The following SPNS2 variants were observed in gnomAD, a reference collection of about 807,000 sequenced individuals.
SPNS2 encodes the protein sphingosine-1-phosphate transporter SPNS2.
Under a neutral mutation model 57.6 loss-of-function variants are expected in SPNS2, and 37 were observed. The observed-to-expected ratio is 0.64, with a 90% CI of 0.49 to 0.85. SPNS2 has a LOEUF of 0.85. Ranked by LOEUF, SPNS2 falls within the 40% of genes least tolerant of loss-of-function variation. The pLI, the probability that SPNS2 is intolerant of heterozygous loss-of-function variation, is 0.00. For missense variants in SPNS2, 831 were observed against 779.1 expected (o/e 1.07, Z -0.79); for synonymous variants, 440 against 346.9 (o/e 1.27, Z -2.98).
In SPNS2 at chr17:4,533,294, G is replaced by A. The variant is rs200103064; in HGVS notation, c.1140G>A (p.Thr380=). The stretch of plus-strand genomic sequence containing the variant: ...TTACGGGATTTCTGGGCGTGGTCAC[G>A]GGGGCAGGAGCCACGCGCTGGTGCC... ...TCFTGFLGVV[T]GAGATRWCRL... The change falls in exon 8 of 13, where the codon ACG becomes ACA. Residue 380 remains threonine (T), a synonymous_variant. Transcript: ENST00000329078. 78 of 1,610,592 alleles carry A rather than the reference G, an allele frequency of 4.8e-5. No individual in the cohort carries two copies. In the Middle Eastern group the frequency reaches 5.0e-4, roughly 10 times the overall value.
At chr17:4,532,486 G>A (rs533167296) in intron 5 of SPNS2, 56 bp from the exon 6 acceptor site, 6 of 1,613,104 alleles carry the variant, frequency 3.7e-6, no homozygotes, top group African/African-American at 1.3e-5. Flanking sequence ...CCCTCCTTCT[G>A]CAGCAGGGAC....
chr17:4,536,474 A>C, intron 11 of SPNS2, 48 bp downstream of exon 11: 1 of 1,563,866 alleles, frequency 6.4e-7, no homozygotes, highest in Non-Finnish European at 8.7e-7. Context: ...GGAAGCAGGG[A>C]CCGTGATAGC....
chr17:4,515,805 G>A (rs940441480), intron 2 of SPNS2, among the ~76,000 whole-genome samples: 10 of 152,228 alleles, frequency 6.6e-5, no homozygotes, highest in African/African-American at 2.4e-4. Flanking sequence ...TGGCACCAGG[G>A]GCTGCTGGGC....
intron 2 of SPNS2, among the ~76,000 whole-genome samples, 163 bp from the exon 3 acceptor site, chr17:4,524,894 T>C (rs996226823): frequency 7.9e-5 from 12 of 152,204 alleles, no homozygotes; most frequent in South Asian, 2.1e-4. Context: ...TCGTAAGGCC[T>C]TTCCCACCTT....
At chr17:4,534,658 C>G (rs12943653) in intron 9 of SPNS2, among the ~76,000 whole-genome samples, 110,625 of 152,160 alleles carry the variant, frequency 0.73, 45,001 homozygotes, top group East Asian at 0.97. Flanking sequence ...CCACCCTGAG[C>G]CTCCGGGCGT....
chr17:4,535,361 C>G (rs766454980), intron 9 of SPNS2, among the ~76,000 whole-genome samples: 8 of 152,268 alleles, frequency 5.3e-5, no homozygotes, highest in Admixed American at 3.9e-4. Flanking sequence ...CCAGGCCAGT[C>G]GAGGCCTGGC....
At chr17:4,517,549 A>C (rs1905026467) in intron 2 of SPNS2, among the ~76,000 whole-genome samples, 2 of 152,104 alleles carry the variant, frequency 1.3e-5, no homozygotes, top group African/African-American at 4.8e-5. Flanking sequence ...TCAGCTACTC[A>C]GGAGGCTGAG....
In SPNS2 at chr17:4,530,794, G is replaced by A. The variant is rs779773305; in HGVS notation, c.725+11G>A. 5.7e-5 allele frequency: 91 copies of A among 1,609,074 alleles called. No homozygotes were observed. The highest frequency in any genetic ancestry group is 7.4e-5 in the Non-Finnish European group (87 of 1,177,490). ...CATCCCACTGGGCAGGTGAGAGCCG[G>A]AGATGCCAGGGTCTGGGTGAGGATC... On this transcript the variant is annotated intron_variant, in intron 4 of 12. Transcript: ENST00000329078.
chr17:4,509,955 C>T (rs1904785847), intron 1 of SPNS2, among the ~76,000 whole-genome samples: 1 of 152,220 alleles, frequency 6.6e-6, no homozygotes, highest in African/African-American at 2.4e-5. Flanking sequence ...TCCTGTGACC[C>T]ACCAAACCTC....
At position 4,513,120 on chromosome 17, in the gene SPNS2, G is replaced by A. The variant is rs1002674461; in HGVS notation, c.371-127G>A. 6.0e-5 allele frequency: 61 copies of A among 1,010,684 alleles called. No individual in the cohort carries two copies. In the African/African-American group the frequency reaches 8.2e-4, roughly 14 times the overall value. The allele number at this position is 1,010,684 out of a possible 1,614,324, so 62.6% of individuals were successfully genotyped here. ...GGGAAACCTGGGCAGGGTAGAGGTC[G>A]CAGCAGAGCAGGAGTGCCGCAGATA... On this transcript the variant is annotated intron_variant, in intron 1 of 12. Transcript: ENST00000329078.
chr17:4,535,636 G>T (rs1009414561), intron 9 of SPNS2, among the ~76,000 whole-genome samples: 3 of 152,074 alleles, frequency 2.0e-5, no homozygotes, highest in Non-Finnish European at 4.4e-5. Context: ...GGCCTCTAGT[G>T]ACTGGCGCCT....
In SPNS2 at chr17:4,510,521, G is replaced by T. The variant is rs912129553; in HGVS notation, c.371-2726G>T. ...TGCCGCTGGATAGCTGGATACTGCA[G>T]GGAGGAAGCGAGAGTGCTTTGATTT... On this transcript the variant is annotated intron_variant, in intron 1 of 12. Coordinates refer to ENST00000329078, the MANE Select transcript of SPNS2 (RefSeq NM_001124758.3). The surrounding 1 kb of genome is among the most constrained non-coding windows in gnomAD (Gnocchi z 4.4). Among the ~76,000 whole-genome samples the T allele has an allele frequency of 6.6e-6, 1 of 152,210 alleles. No individual in the cohort carries two copies. Among genetic ancestry groups the T allele is most frequent in the African/African-American group, 2.4e-5 (1 of 41,446 alleles).
intron 9 of SPNS2, among the ~76,000 whole-genome samples, chr17:4,534,667 G>C (rs564101870): frequency 3.3e-5 from 5 of 152,148 alleles, no homozygotes; most frequent in Non-Finnish European, 5.9e-5. Flanking sequence ...GCCTCCGGGC[G>C]TATCCGCTTC....
intron 9 of SPNS2, among the ~76,000 whole-genome samples, chr17:4,535,481 C>G (rs1335917152): frequency 6.6e-6 from 1 of 152,172 alleles, no homozygotes; most frequent in Admixed American, 6.5e-5. Flanking sequence ...CTCTCTAGAC[C>G]TCAGTGTCCC....
chr17:4,516,022 C>T (rs4616341), intron 2 of SPNS2, among the ~76,000 whole-genome samples: 68,575 of 152,142 alleles, frequency 0.45, 16,942 homozygotes, highest in East Asian at 0.85. Context: ...AGCAGAATTA[C>T]AGCTCATAGG....
intron 5 of SPNS2, among the ~76,000 whole-genome samples, chr17:4,531,608 G>T (rs761520570): frequency 3.9e-5 from 6 of 152,162 alleles, no homozygotes; most frequent in Non-Finnish European, 7.4e-5. Context: ...CTCGTCTCTC[G>T]GAGGAGCGGA....
At position 4,512,713 on chromosome 17, in the gene SPNS2, C is replaced by T. The variant is rs1025572704; in HGVS notation, c.371-534C>T. 1.3e-5 allele frequency among the ~76,000 whole-genome samples: 2 copies of T among 149,082 alleles called. No individual in the cohort carries two copies. The highest frequency in any genetic ancestry group is 5.1e-5 in the African/African-American group (2 of 38,932). ...GCATGTGTGCAGGTGTGTGCACACA[C>T]GTGCGTGCGTGTGCAGGTGTGTGTG... On this transcript the variant is annotated intron_variant, in intron 1 of 12. Transcript: ENST00000329078. The surrounding 1 kb of genome is among the most constrained non-coding windows in gnomAD (Gnocchi z 5.2).
rs548347508 is a variant in SPNS2 at position 4,513,338 on chromosome 17, C to A, written c.436+26C>A. 1.7e-5 allele frequency: 28 copies of A among 1,612,524 alleles called. No homozygotes were observed. In the East Asian group the frequency reaches 4.5e-4, roughly 26 times the overall value. ...GTGAGGCCCACCTCCCACCTTCCCC[C>A]CCACGCCCAGGCGTTGGCGTCGTGG... is the stretch of plus-strand genomic sequence containing the variant. On this transcript the variant is annotated intron_variant, in intron 2 of 12. Transcript: ENST00000329078.
chr17:4,504,464 G>T (rs531446988), intron 1 of SPNS2, among the ~76,000 whole-genome samples: 1 of 152,216 alleles, frequency 6.6e-6, no homozygotes, highest in African/African-American at 2.4e-5. Context: ...GCCCTGGACC[G>T]GTGATGGGCC....
Sources: gnomAD v4.1 joint callset for allele counts (sites outside exome capture counted in the v4.1 genomes callset) on GRCh38, gnomAD v4.1.1 for gene constraint, Gnocchi (gnomAD v3.1) non-coding constraint, MANE v1.5 for transcripts, NCBI Gene and HGNC (gene_info 2026-07-23, HGNC 2026-07-21) for gene names.